RAB40B: variants seen among roughly 807,000 people sequenced by gnomAD.
RAB40B encodes the protein RAB40B, member RAS oncogene family.
RAB40B carries 21 observed loss-of-function variants against 24.0 expected under a neutral mutation model. The ratio of observed to expected loss-of-function variants is 0.88; its 90% CI spans 0.62 to 1.26. RAB40B has a LOEUF of 1.26. Among genes scored for constraint, RAB40B ranks in the 50% most tolerant of loss-of-function variants. RAB40B has a pLI of 0.00. For missense variants in RAB40B, 348 were observed against 390.5 expected, an observed-to-expected ratio of 0.89 and a Z score of 0.92; for synonymous variants, 167 against 169.8, an observed-to-expected ratio of 0.98 and a Z score of 0.13.
Position 82,662,038 on chromosome 17 carries a change from T to C in RAB40B, c.204-991A>G, listed in dbSNP as rs532895881. 5 of 985,352 alleles carry C rather than the reference T, an allele frequency of 5.1e-6. No individual in the cohort carries two copies. In the East Asian group the frequency reaches 5.7e-4, roughly 112 times the overall value. The allele number at this position is 985,352 out of a possible 1,614,324, so 61.0% of individuals were successfully genotyped here. A position where few individuals can be genotyped will look rare whatever the true frequency, so the allele number is the denominator to read the frequency against. ...CGAACACACCTACATCAATGGGAGA[T>C]TCCCCAGTGGGCCAGGGGCTGGCCC... On this transcript the variant is annotated intron_variant, in intron 2 of 5. Coordinates refer to ENST00000571995, the MANE Select transcript of RAB40B (RefSeq NM_006822.3).
At chr17:82,666,647 C>T (rs978846472) in intron 1 of RAB40B, among the ~76,000 whole-genome samples, 3 of 151,894 alleles carry the variant, frequency 2.0e-5, no homozygotes, top group Admixed American at 1.3e-4. Context: ...TCACTTCTAG[C>T]GCTTCCGGAT....
At chr17:82,686,104 C>CTTTTT (rs35256137) in intron 1 of RAB40B, among the ~76,000 whole-genome samples, 9 of 123,422 alleles carry the variant, frequency 7.3e-5, no homozygotes, top group African/African-American at 9.1e-5. Context: ...ACCCAGCCTT[C>CTTTTT]TTTTTTTTTT....
intron 1 of RAB40B, among the ~76,000 whole-genome samples, chr17:82,666,247 ACATT>A (rs2046256010): frequency 7.3e-6 from 1 of 136,730 alleles, no homozygotes; most frequent in Middle Eastern, 4.3e-3. Context: ...TGGCCACAAT[ACATT>A]TTTTTTTTTT....
intron 1 of RAB40B, among the ~76,000 whole-genome samples, chr17:82,690,322 T>A (rs1272087319): frequency 1.5e-5 from 2 of 129,450 alleles, no homozygotes; most frequent in African/African-American, 6.0e-5. Context: ...GGAGTGTGCA[T>A]GTGTGTTCCT....
intron 1 of RAB40B, among the ~76,000 whole-genome samples, chr17:82,689,010 G>C (rs1376074856): frequency 6.6e-6 from 1 of 152,236 alleles, no homozygotes; most frequent in Non-Finnish European, 1.5e-5. Flanking sequence ...TTTGGATGCT[G>C]TTGTTCTTTT....
chr17:82,657,408 A>C lies in RAB40B; in HGVS notation c.*455T>G. ...ACCTCTACATCTGCAGCGTTTTATAAATTGGCGCTTTGACATTGAAAAGGA... is the reference window on the plus strand; with the variant it reads ...ACCTCTACATCTGCAGCGTTTTATACATTGGCGCTTTGACATTGAAAAGGA... On this transcript the variant is annotated 3_prime_UTR_variant, in exon 6 of 6. Coordinates refer to ENST00000571995, the MANE Select transcript of RAB40B (RefSeq NM_006822.3). 1 of 316,966 alleles carries C rather than the reference A, an allele frequency of 3.2e-6. No individual in the cohort carries two copies. The highest frequency in any genetic ancestry group is 6.1e-6 in the Non-Finnish European group (1 of 163,324). The allele number at this position is 316,966 out of a possible 1,614,324, so 19.6% of individuals were successfully genotyped here. A position where few individuals can be genotyped will look rare whatever the true frequency, so the allele number is the denominator to read the frequency against.
intron 1 of RAB40B, among the ~76,000 whole-genome samples, chr17:82,674,905 C>A (rs952896044): frequency 6.6e-6 from 1 of 152,114 alleles, no homozygotes; most frequent in African/African-American, 2.4e-5. Context: ...ATAATCCTGA[C>A]GGCATCGTTC....
In RAB40B at chr17:82,664,576, G is replaced by C. The variant is rs183904404; in HGVS notation, c.143-20C>G. 6 of 1,611,722 alleles carry C rather than the reference G, an allele frequency of 3.7e-6. No individual in the cohort carries two copies. The highest frequency in any genetic ancestry group is 5.1e-6 in the Non-Finnish European group (6 of 1,178,380). ...CGATGCCTGCGGAAGGGTTAGAGAC[G>C]GCTTAGGCCTGAGGCTGCAGCTAAC... On this transcript the variant is annotated intron_variant, in intron 1 of 5. Transcript: ENST00000571995.
At chr17:82,678,940 T>A (rs1383567237) in intron 1 of RAB40B, among the ~76,000 whole-genome samples, 1 of 133,614 alleles carries the variant, frequency 7.5e-6, no homozygotes, top group Non-Finnish European at 1.5e-5. Context: ...TGGAGTGCAG[T>A]GGCGCCATCT....
chr17:82,693,364 C>G (rs2046577365), intron 1 of RAB40B, among the ~76,000 whole-genome samples: 1 of 152,154 alleles, frequency 6.6e-6, no homozygotes, highest in Non-Finnish European at 1.5e-5. Flanking sequence ...GGTGCTCAGT[C>G]ATCAGAGAAA....
At chr17:82,672,886 T>A (rs1568037499) in intron 1 of RAB40B, among the ~76,000 whole-genome samples, 1 of 152,218 alleles carries the variant, frequency 6.6e-6, no homozygotes, top group Non-Finnish European at 1.5e-5. Flanking sequence ...CATGTACGAA[T>A]TTTTGTTTCT....
Position 82,677,025 on chromosome 17 carries a change from C to T in RAB40B, c.143-12469G>A, listed in dbSNP as rs192069708. ...GTGCAGTGGCACGATCTCGGCTCAC[C>T]GCAAGCTCCACCTCCCGGGTTCAAG... On this transcript the variant is annotated intron_variant, in intron 1 of 5. Coordinates refer to ENST00000571995, the MANE Select transcript of RAB40B (RefSeq NM_006822.3). Among the ~76,000 whole-genome samples the T allele has an allele frequency of 1.8e-3, 266 of 151,384 alleles. 4 individuals carry two copies. In the South Asian group the frequency reaches 0.018, roughly 10 times the overall value.
intron 3 of RAB40B, 65 bp from the exon 4 acceptor site, chr17:82,659,722 G>T: frequency 7.7e-7 from 1 of 1,297,912 alleles, no homozygotes; most frequent in African/African-American, 1.5e-5. Flanking sequence ...GGCCATGCAC[G>T]CAAAGACATA....
At chr17:82,662,509 A>T in intron 2 of RAB40B, 1 of 985,378 alleles carries the variant, frequency 1.0e-6, no homozygotes, top group Non-Finnish European at 1.2e-6. Context: ...CCCCAGCCCC[A>T]GTGGGTGTGG....
intron 1 of RAB40B, among the ~76,000 whole-genome samples, chr17:82,671,089 C>T (rs985958230): frequency 6.6e-6 from 1 of 151,912 alleles, no homozygotes; most frequent in African/African-American, 2.4e-5. Flanking sequence ...ACTGACTTTC[C>T]ACTACAGAAG....
chr17:82,676,500 T>C (rs1598307611), intron 1 of RAB40B, among the ~76,000 whole-genome samples: 2 of 137,946 alleles, frequency 1.4e-5, no homozygotes, highest in East Asian at 2.2e-4. Flanking sequence ...ACCAATTCCG[T>C]GGCGAGTCTC....
chr17:82,696,857 G>A (rs1264746481), intron 1 of RAB40B: 1 of 154,552 alleles, frequency 6.5e-6, no homozygotes, highest in East Asian at 1.9e-4. Context: ...GAACTATCTA[G>A]AAATGTGACG....
chr17:82,685,921 A>G (rs1461174945), intron 1 of RAB40B, among the ~76,000 whole-genome samples: 2 of 151,024 alleles, frequency 1.3e-5, no homozygotes, highest in East Asian at 3.9e-4. Flanking sequence ...CTCCTACCTC[A>G]GCCTCCCAAG....
intron 1 of RAB40B, among the ~76,000 whole-genome samples, chr17:82,693,302 C>T (rs559097850): frequency 2.0e-5 from 3 of 152,232 alleles, no homozygotes; most frequent in Admixed American, 6.5e-5. Context: ...CCACCAGGCC[C>T]GGCCGACTTG....
Sources: gnomAD v4.1 joint callset for allele counts (sites outside exome capture counted in the v4.1 genomes callset) on GRCh38, gnomAD v4.1.1 for gene constraint, MANE v1.5 for transcripts, NCBI Gene and HGNC (gene_info 2026-07-23, HGNC 2026-07-21) for gene names.